Variants in GSE1 observed in about 807,000 individuals in gnomAD.
GSE1 encodes Gse1 coiled-coil protein.
GSE1 carries 32 observed loss-of-function variants against 112.6 expected under a neutral mutation model. The observed-to-expected ratio is 0.28, with a 90% CI of 0.21 to 0.38. The LOEUF is 0.38. Among genes scored for constraint, GSE1 ranks in the 10% least tolerant of loss-of-function variants. The pLI, the probability that GSE1 is intolerant of heterozygous loss-of-function variation, is 1.00. For synonymous variants in GSE1, 1,115 were observed against 735.6 expected (o/e 1.52, Z -8.35); for missense variants, 2,348 against 1,699.2 (o/e 1.38, Z -6.71).
intron 1 of GSE1, among the ~76,000 whole-genome samples, chr16:85,333,718 G>C (rs1250799306): frequency 6.6e-6 from 1 of 152,206 alleles, no homozygotes; most frequent in Non-Finnish European, 1.5e-5. Flanking sequence ...AGGGTCCTCA[G>C]CTTTGGATCT....
At chr16:85,516,990 G>A (rs1416111389) in intron 2 of GSE1, among the ~76,000 whole-genome samples, 1 of 152,092 alleles carries the variant, frequency 6.6e-6, no homozygotes, top group East Asian at 1.9e-4. Flanking sequence ...GTAGAGACGG[G>A]GTTTCACCGT....
chr16:85,615,504 G>T (rs2151581566), intron 1 of GSE1, among the ~76,000 whole-genome samples: 1 of 151,796 alleles, frequency 6.6e-6, no homozygotes, highest in African/African-American at 2.4e-5. Flanking sequence ...CGGTTTTGAC[G>T]CTTGGAGTTT....
At chr16:85,269,201 C>A (rs1908577462) in intron 1 of GSE1, among the ~76,000 whole-genome samples, 1 of 149,340 alleles carries the variant, frequency 6.7e-6, no homozygotes, top group South Asian at 2.1e-4. Flanking sequence ...AATGAGCCAC[C>A]CCCACCTCCA....
chr16:85,416,436 G>C (rs1457889715), intron 2 of GSE1, among the ~76,000 whole-genome samples: 1 of 152,122 alleles, frequency 6.6e-6, no homozygotes, highest in Non-Finnish European at 1.5e-5. Flanking sequence ...GTTCAGAGCG[G>C]CTCCTCCCGA....
At chr16:85,482,450 C>T (rs892089296) in intron 2 of GSE1, among the ~76,000 whole-genome samples, 3 of 152,156 alleles carry the variant, frequency 2.0e-5, no homozygotes, top group Admixed American at 2.0e-4. Context: ...TCTGACAACT[C>T]GAGCGACCCG....
At chr16:85,211,145 C>G (rs974431762) in intron 1 of GSE1, among the ~76,000 whole-genome samples, 23 of 152,174 alleles carry the variant, frequency 1.5e-4, no homozygotes, top group African/African-American at 5.5e-4. Context: ...TTACCCACAC[C>G]CTCCATTAGG....
intron 1 of GSE1, among the ~76,000 whole-genome samples, chr16:85,617,385 C>T (rs888188666): frequency 6.6e-6 from 1 of 152,204 alleles, no homozygotes; most frequent in Non-Finnish European, 1.5e-5. Flanking sequence ...AGGGGTTGGG[C>T]TGCACTTGAG....
intron 1 of GSE1, chr16:85,594,206 A>G (rs974515586): frequency 2.5e-5 from 2 of 81,578 alleles, no homozygotes; most frequent in Non-Finnish European, 4.5e-5. Context: ...CCTGCTGTGG[A>G]GGGCCTGGGC....
At chr16:85,511,130 T>G (rs1357149120) in intron 2 of GSE1, among the ~76,000 whole-genome samples, 4 of 152,200 alleles carry the variant, frequency 2.6e-5, no homozygotes, top group Non-Finnish European at 1.5e-5. Flanking sequence ...ATGGAAGAGG[T>G]GCTGACCAAG....
upstream of GSE1, chr16:85,554,762 C>A: frequency 1.9e-6 from 1 of 518,440 alleles, no homozygotes; most frequent in Non-Finnish European, 2.4e-6. Context: ...CCGGCTCCCG[C>A]AGCTGTCAGT....
chr16:85,645,104 C>T (rs543938264), intron 2 of GSE1, among the ~76,000 whole-genome samples: 15 of 151,048 alleles, frequency 9.9e-5, no homozygotes, highest in South Asian at 8.5e-4. Context: ...TCTAGTAGCC[C>T]GCCGGCACAG....
Position 85,215,092 on chromosome 16 carries a change from G to A in GSE1, c.2283+43285G>A, listed in dbSNP as rs2075286773. Among the ~76,000 whole-genome samples, 4 of 152,296 alleles carry A rather than the reference G, an allele frequency of 2.6e-5. No homozygotes were observed. In the South Asian group the frequency reaches 8.3e-4, roughly 32 times the overall value. ...CCGTTAACACTGACCCCTGACACAG[G>A]CTACACAGACATGGGATTGTGGCCA... On this transcript the variant is annotated intron_variant, in intron 1 of 2. Transcript: ENST00000637419.
At chr16:85,279,471 G>T (rs969559991) in intron 1 of GSE1, among the ~76,000 whole-genome samples, 1 of 149,918 alleles carries the variant, frequency 6.7e-6, no homozygotes, top group Non-Finnish European at 1.5e-5. Context: ...GCCAGGCATG[G>T]TGATGTGTGC....
At chr16:85,600,583 C>A (rs568877019) in intron 1 of GSE1, among the ~76,000 whole-genome samples, 2,886 of 147,696 alleles carry the variant, frequency 0.02, 82 homozygotes, top group African/African-American at 0.068. Flanking sequence ...ACACACACAC[C>A]CCAAACACAC....
At chr16:85,491,990 C>T (rs1442002013) in intron 2 of GSE1, among the ~76,000 whole-genome samples, 3 of 152,164 alleles carry the variant, frequency 2.0e-5, no homozygotes, top group African/African-American at 4.8e-5. Context: ...GGGCATCTTT[C>T]TGCTTACCTG....
At chr16:85,653,610 C>G (rs1014256777) in intron 3 of GSE1, among the ~76,000 whole-genome samples, 2 of 151,932 alleles carry the variant, frequency 1.3e-5, no homozygotes, top group Non-Finnish European at 2.9e-5. Flanking sequence ...GTTGCCTTCC[C>G]TGCCCCACCG....
intron 2 of GSE1, among the ~76,000 whole-genome samples, chr16:85,438,914 A>T (rs992366678): frequency 1.3e-5 from 2 of 152,106 alleles, no homozygotes; most frequent in Non-Finnish European, 2.9e-5. Context: ...TAGGGTAGGG[A>T]TCCCCCCGCG....
intron 2 of GSE1, among the ~76,000 whole-genome samples, chr16:85,502,133 C>G (rs1330346200): frequency 6.6e-6 from 1 of 152,152 alleles, no homozygotes; most frequent in Admixed American, 6.5e-5. Flanking sequence ...TGAGGGAAGG[C>G]AGCTGGAGGT....
chr16:85,172,017 G>A (rs527798945), intron 1 of GSE1, among the ~76,000 whole-genome samples: 1 of 152,326 alleles, frequency 6.6e-6, no homozygotes, highest in Admixed American at 6.5e-5. Context: ...ATGGGGCAGG[G>A]GTCAGAGGAG....
Sources: allele counts gnomAD v4.1 joint callset (sites outside exome capture counted in the v4.1 genomes callset), GRCh38; gene constraint gnomAD v4.1.1; transcripts MANE v1.5; gene names NCBI Gene and HGNC (gene_info 2026-07-23, HGNC 2026-07-21).